Variants in TMEM117 observed in about 807,000 individuals in gnomAD.
The protein encoded by TMEM117 is transmembrane protein 117.
Under a neutral mutation model 52.4 loss-of-function variants are expected in TMEM117, and 27 were observed. The observed-to-expected ratio is 0.51, with a 90% CI of 0.38 to 0.71. The LOEUF is 0.71. TMEM117 is among the 30% of genes least tolerant of loss of function. TMEM117 has a pLI of 0.00. For synonymous variants in TMEM117, 215 were observed against 206.3 expected, an observed-to-expected ratio of 1.04 and a Z score of -0.36; for missense variants, 556 against 630.5, an observed-to-expected ratio of 0.88 and a Z score of 1.26.
intron 2 of TMEM117, among the ~76,000 whole-genome samples, chr12:43,872,547 A>G (rs763575468): frequency 6.6e-6 from 1 of 152,184 alleles, no homozygotes; most frequent in Admixed American, 6.5e-5. Context: ...GAGCTTTTGT[A>G]TGTATTTTAA....
chr12:43,809,530 T>G, the TMEM117 span, among the ~76,000 whole-genome samples: 1 of 152,212 alleles, frequency 6.6e-6, no homozygotes, highest in Admixed American at 6.5e-5. Flanking sequence ...TTGTTAGAAT[T>G]AAGTCTAACA....
the TMEM117 span, among the ~76,000 whole-genome samples, chr12:43,826,550 G>A: frequency 1.3e-5 from 2 of 152,146 alleles, no homozygotes; most frequent in East Asian, 1.9e-4. Flanking sequence ...GGATATTGGT[G>A]GCTGCCTAAA....
chr12:44,390,543 GA>G (rs1952156224), downstream of TMEM117, among the ~76,000 whole-genome samples: 1 of 151,870 alleles, frequency 6.6e-6, no homozygotes, highest in South Asian at 2.1e-4. Flanking sequence ...GTTTTAATGA[GA>G]AAATCTAATT....
At chr12:43,945,390 C>T (rs1945115053) in intron 3 of TMEM117, among the ~76,000 whole-genome samples, 1 of 152,114 alleles carries the variant, frequency 6.6e-6, no homozygotes, top group African/African-American at 2.4e-5. Context: ...GATCTCGGCT[C>T]ACTCACTGCA....
intron 3 of TMEM117, among the ~76,000 whole-genome samples, chr12:44,021,850 C>T (rs977615391): frequency 2.6e-5 from 4 of 152,306 alleles, no homozygotes; most frequent in South Asian, 2.1e-4. Flanking sequence ...AGTACTCTTG[C>T]TGGGAGGAAC....
the TMEM117 span, among the ~76,000 whole-genome samples, chr12:43,827,873 G>C: frequency 8.5e-5 from 13 of 152,272 alleles, no homozygotes; most frequent in African/African-American, 2.6e-4. Flanking sequence ...CCAACAATGT[G>C]CCTTTCTAAG....
intron 4 of TMEM117, among the ~76,000 whole-genome samples, chr12:44,190,288 A>G (rs1429693232): frequency 2.0e-5 from 3 of 152,228 alleles, no homozygotes; most frequent in Non-Finnish European, 4.4e-5. Context: ...CTATTAAGCC[A>G]CATAGCTATA....
intron 3 of TMEM117, among the ~76,000 whole-genome samples, chr12:43,974,100 C>T (rs1740737349): frequency 6.6e-6 from 1 of 152,096 alleles, no homozygotes; most frequent in South Asian, 2.1e-4. Context: ...TTTCTATACC[C>T]TTCAGTGATT....
At chr12:43,879,638 C>T (rs969452085) in intron 2 of TMEM117, among the ~76,000 whole-genome samples, 2 of 152,190 alleles carry the variant, frequency 1.3e-5, no homozygotes, top group Non-Finnish European at 2.9e-5. Flanking sequence ...TGCCTGCTTG[C>T]TGTATTTTTG....
intron 4 of TMEM117, among the ~76,000 whole-genome samples, chr12:44,195,825 A>G (rs1179449849): frequency 6.6e-6 from 1 of 152,006 alleles, no homozygotes; most frequent in Non-Finnish European, 1.5e-5. Flanking sequence ...AGGCCAAGGC[A>G]GAAGGATCAC....
At chr12:43,913,432 A>G (rs1944549524) in intron 2 of TMEM117, among the ~76,000 whole-genome samples, 1 of 152,328 alleles carries the variant, frequency 6.6e-6, no homozygotes, top group East Asian at 1.9e-4. Context: ...AGTTTGTATT[A>G]AGTATCTGTC....
At position 44,045,709 on chromosome 12, in the gene TMEM117, G is replaced by T. The variant is rs556700148; in HGVS notation, c.411-97816G>T. On this transcript the variant is annotated intron_variant, in intron 3 of 7. Coordinates refer to ENST00000266534, the MANE Select transcript of TMEM117 (RefSeq NM_032256.3). Reference sequence around the variant, plus strand: ...AATAGAAAAATTAGCCAAGCGTGGTGGCGGGCATCTGTAATCCCAGCCACT... The same window carrying T: ...AATAGAAAAATTAGCCAAGCGTGGTTGCGGGCATCTGTAATCCCAGCCACT... 2.0e-5 allele frequency among the ~76,000 whole-genome samples: 3 copies of T among 152,250 alleles called. No homozygotes were observed. In the East Asian group the frequency reaches 5.8e-4, roughly 29 times the overall value.
At chr12:43,984,388 C>CAAT (rs1295353301) in intron 3 of TMEM117, among the ~76,000 whole-genome samples, 2 of 151,694 alleles carry the variant, frequency 1.3e-5, no homozygotes, top group African/African-American at 2.4e-5. Flanking sequence ...ACAACAACAA[C>CAAT]AACAACAACA....
the TMEM117 span, among the ~76,000 whole-genome samples, chr12:44,398,081 GT>G: frequency 0.071 from 9,876 of 139,300 alleles, 378 homozygotes; most frequent in Middle Eastern, 0.19. Context: ...GTGGGTGGTT[GT>G]TTTTTTTTTT....
chr12:44,098,937 C>T (rs1331408704), intron 3 of TMEM117, among the ~76,000 whole-genome samples: 2 of 152,034 alleles, frequency 1.3e-5, no homozygotes, highest in African/African-American at 4.8e-5. Context: ...CGTCTCTTGC[C>T]TCAGGTATGG....
intron 4 of TMEM117, 119 bp downstream of exon 4, chr12:44,143,743 A>T (rs1592554157): frequency 1.5e-6 from 1 of 656,558 alleles, no homozygotes; most frequent in Admixed American, 3.1e-5. Flanking sequence ...TGAGTGAAAC[A>T]AATTTATGAG....
At chr12:44,086,653 C>T (rs141023806) in intron 3 of TMEM117, among the ~76,000 whole-genome samples, 70 of 152,158 alleles carry the variant, frequency 4.6e-4, no homozygotes, top group Non-Finnish European at 8.5e-4. Flanking sequence ...TGGCTCAAGT[C>T]CCAAGCAAAA....
intron 7 of TMEM117, among the ~76,000 whole-genome samples, chr12:44,380,982 G>T (rs1463874792): frequency 1.3e-5 from 2 of 152,108 alleles, no homozygotes; most frequent in African/African-American, 4.8e-5. Flanking sequence ...CATTTTAAAA[G>T]CATATAGGAT....
intron 3 of TMEM117, among the ~76,000 whole-genome samples, chr12:43,975,076 G>T (rs1034855788): frequency 3.3e-5 from 5 of 152,110 alleles, no homozygotes; most frequent in African/African-American, 1.2e-4. Flanking sequence ...GCTACCACTT[G>T]TCTGCCTTGT....
Sources: gnomAD v4.1 joint callset for allele counts (sites outside exome capture counted in the v4.1 genomes callset) on GRCh38, gnomAD v4.1.1 for gene constraint, MANE v1.5 for transcripts, NCBI Gene and HGNC (gene_info 2026-07-23, HGNC 2026-07-21) for gene names.